RNF125: variants seen among roughly 807,000 people sequenced by gnomAD.
RNF125 encodes the protein ring finger protein 125.
RNF125 carries 21 observed loss-of-function variants against 26.0 expected under a neutral mutation model. That is an observed-to-expected ratio of 0.81 (90% confidence interval 0.57 to 1.16). The LOEUF is 1.16. Among genes scored for constraint, RNF125 ranks in the 50% most tolerant of loss-of-function variants. The pLI, the probability that RNF125 is intolerant of heterozygous loss-of-function variation, is 0.00. For synonymous variants in RNF125, 95 were observed against 109.2 expected, an observed-to-expected ratio of 0.87 and a Z score of 0.81; for missense variants, 270 against 299.4, an observed-to-expected ratio of 0.90 and a Z score of 0.72.
At chr18:32,024,683 C>T (rs374996869) in intron 1 of RNF125, among the ~76,000 whole-genome samples, 1 of 152,072 alleles carries the variant, frequency 6.6e-6, no homozygotes, top group Non-Finnish European at 1.5e-5. Context: ...TCAAGTGATC[C>T]TCCTGCCTTA....
At chr18:32,060,745 A>G (rs930434717) in intron 4 of RNF125, among the ~76,000 whole-genome samples, 1 of 152,206 alleles carries the variant, frequency 6.6e-6, no homozygotes. Context: ...TTTAAGAAAC[A>G]AAAGAAGTTT....
chr18:32,050,635 G>A (rs112416717), intron 4 of RNF125, among the ~76,000 whole-genome samples: 1 of 151,802 alleles, frequency 6.6e-6, no homozygotes, highest in African/African-American at 2.4e-5. Context: ...CACTAAGCTC[G>A]GTTATTTATT....
downstream of RNF125, among the ~76,000 whole-genome samples, chr18:32,075,444 A>G (rs2039563735): frequency 6.6e-6 from 1 of 152,106 alleles, no homozygotes; most frequent in Non-Finnish European, 1.5e-5. Context: ...CTGTAATCCC[A>G]GCACTTTGGG....
At chr18:32,084,783 G>A in the RNF125 span, among the ~76,000 whole-genome samples, 58 of 152,074 alleles carry the variant, frequency 3.8e-4, 1 homozygote, top group Non-Finnish European at 7.3e-4. Flanking sequence ...GGTCACCGGG[G>A]CTACTCATAT....
chr18:32,030,747 C>G (rs891146353), intron 1 of RNF125, among the ~76,000 whole-genome samples: 1 of 152,204 alleles, frequency 6.6e-6, no homozygotes, highest in Non-Finnish European at 1.5e-5. Flanking sequence ...GCTCACAGTT[C>G]TGGAGGCTAG....
chr18:32,047,933 T>C (rs928039730), intron 4 of RNF125, among the ~76,000 whole-genome samples: 18 of 152,154 alleles, frequency 1.2e-4, no homozygotes, highest in Admixed American at 2.6e-4. Flanking sequence ...GAGACCAGCC[T>C]GGCCAACACG....
intron 1 of RNF125, 115 bp from the exon 2 acceptor site, chr18:32,037,001 T>C: frequency 2.2e-6 from 2 of 897,100 alleles, no homozygotes; most frequent in Non-Finnish European, 3.4e-6. Context: ...AATTTGGTAG[T>C]ATGGCTCATG....
At chr18:32,038,026 C>A (rs1164065836) in intron 2 of RNF125, among the ~76,000 whole-genome samples, 1 of 150,392 alleles carries the variant, frequency 6.6e-6, no homozygotes. Flanking sequence ...CTACCACTCA[C>A]TCTTTGGGTC....
intron 1 of RNF125, among the ~76,000 whole-genome samples, chr18:32,023,945 T>C (rs1172439295): frequency 6.6e-6 from 1 of 152,150 alleles, no homozygotes; most frequent in Non-Finnish European, 1.5e-5. Context: ...TTTGAATCAG[T>C]ATATCAATAA....
At chr18:32,089,627 T>G in the RNF125 span, among the ~76,000 whole-genome samples, 1 of 152,254 alleles carries the variant, frequency 6.6e-6, no homozygotes, top group Non-Finnish European at 1.5e-5. Context: ...TAATTGCAAC[T>G]TATTTTTTTA....
At chr18:32,057,687 A>C (rs2039398938) in intron 4 of RNF125, among the ~76,000 whole-genome samples, 1 of 152,052 alleles carries the variant, frequency 6.6e-6, no homozygotes, top group Non-Finnish European at 1.5e-5. Context: ...GTTCTCCATT[A>C]CAGCCTAGGT....
intron 1 of RNF125, among the ~76,000 whole-genome samples, chr18:32,024,869 C>T (rs1295708996): frequency 6.6e-6 from 1 of 152,068 alleles, no homozygotes; most frequent in African/African-American, 2.4e-5. Flanking sequence ...TCACTTGAGC[C>T]CAGGAGTTGG....
chr18:32,075,903 A>G (rs1598832294), downstream of RNF125: 1 of 1,363,608 alleles, frequency 7.3e-7, no homozygotes, highest in East Asian at 2.3e-5. Context: ...GAATCCTAGG[A>G]TTTTCCCTCC....
chr18:32,077,230 T>G (rs2039576076), downstream of RNF125, among the ~76,000 whole-genome samples: 1 of 152,110 alleles, frequency 6.6e-6, no homozygotes. Flanking sequence ...GTAGAAGGAT[T>G]GCTTGGCCCA....
chr18:32,074,798 C>A (rs1175204423), downstream of RNF125, among the ~76,000 whole-genome samples: 1 of 152,194 alleles, frequency 6.6e-6, no homozygotes, highest in Admixed American at 6.5e-5. Context: ...CTGCCTTGGC[C>A]TCCCAAAGTG....
the RNF125 span, among the ~76,000 whole-genome samples, chr18:32,081,582 A>T: frequency 6.6e-6 from 1 of 152,192 alleles, no homozygotes; most frequent in Non-Finnish European, 1.5e-5. Flanking sequence ...TATAGTTAGT[A>T]TCACCCCCAT....
chr18:32,086,747 G>A, the RNF125 span, among the ~76,000 whole-genome samples: 3 of 152,146 alleles, frequency 2.0e-5, no homozygotes, highest in East Asian at 3.9e-4. Flanking sequence ...TCGAACTCCC[G>A]ACCTCAGGTG....
At chr18:32,083,009 G>A in the RNF125 span, among the ~76,000 whole-genome samples, 6 of 152,190 alleles carry the variant, frequency 3.9e-5, no homozygotes, top group Admixed American at 6.5e-5. Context: ...TGGCAATAGA[G>A]CTCTCACTGT....
the RNF125 span, among the ~76,000 whole-genome samples, chr18:32,090,759 G>A: frequency 2.0e-5 from 3 of 152,214 alleles, no homozygotes; most frequent in Non-Finnish European, 4.4e-5. Context: ...CAATGCCAAT[G>A]TCAACATAGA....
Sources: gnomAD v4.1 joint callset for allele counts (sites outside exome capture counted in the v4.1 genomes callset) on GRCh38, gnomAD v4.1.1 for gene constraint, MANE v1.5 for transcripts, NCBI Gene and HGNC (gene_info 2026-07-23, HGNC 2026-07-21) for gene names.